The following SLC26A2 variants were observed in gnomAD, a reference collection of about 807,000 sequenced individuals.
The protein encoded by SLC26A2 is sulfate transporter.
SLC26A2 carries 36 observed loss-of-function variants against 41.1 expected under a neutral mutation model. The observed-to-expected ratio is 0.88, with a 90% CI of 0.67 to 1.16. The LOEUF (loss-of-function observed/expected upper bound fraction) is 1.16. Ranked by LOEUF, SLC26A2 falls within the 50% of genes most tolerant of loss-of-function variation. The pLI is 0.00. For synonymous variants in SLC26A2, 291 were observed against 311.6 expected (o/e 0.93, Z 0.70); for missense variants, 796 against 869.6 (o/e 0.92, Z 1.07).
chr5:149,980,636 A>G lies in SLC26A2; in HGVS notation c.1043A>G (p.His348Arg). 6.2e-7 allele frequency: 1 copy of G among 1,614,020 alleles called. No homozygotes were observed. The highest frequency in any genetic ancestry group is 1.7e-5 in the Admixed American group (1 of 60,012). The change falls in exon 3 of 3, where the codon CAT (histidine) becomes CGT (arginine). Residue 348 changes from histidine to arginine, a missense_variant. By Grantham distance (29) the His-to-Arg change is conservative. Coordinates refer to ENST00000286298, the MANE Select transcript of SLC26A2 (RefSeq NM_000112.4). ...VVVVAATLAS[H>R]FGKLHENYNS... ...GTTGTAGCAGCCACATTAGCCTCTCATTTTGGAAAACTACATGAAAATTAT... is the reference window on the plus strand; with the variant it reads ...GTTGTAGCAGCCACATTAGCCTCTCGTTTTGGAAAACTACATGAAAATTAT...
intron 1 of SLC26A2, among the ~76,000 whole-genome samples, chr5:149,967,169 AAAAG>A: frequency 6.6e-6 from 1 of 152,210 alleles, no homozygotes; most frequent in East Asian, 1.9e-4. Flanking sequence ...TCTCTTAAAG[AAAAG>A]AAAAAGAAAA....
intron 2 of SLC26A2, among the ~76,000 whole-genome samples, chr5:149,979,715 T>C (rs1468498174): frequency 7.3e-6 from 1 of 136,250 alleles, no homozygotes; most frequent in Non-Finnish European, 1.6e-5. Flanking sequence ...TTTCTTAGTA[T>C]GAGGTTAAAG....
chr5:149,968,382 A>G (rs1754842024), intron 1 of SLC26A2, among the ~76,000 whole-genome samples: 2 of 152,184 alleles, frequency 1.3e-5, no homozygotes, highest in Admixed American at 1.3e-4. Flanking sequence ...CCAGCAATGT[A>G]TCAAATGTAT....
rs779516281 is a variant in SLC26A2 at position 149,978,080 on chromosome 5, C to A, written c.428C>A (p.Thr143Lys). ...CAAGAACCTGTCTATGGTCTGTACA[C>A]ATCTTTTTTTGCCAGCATCATTTAT... Reference protein sequence around the residue: ...AGQEPVYGLYTSFFASIIYFL... With the variant: ...AGQEPVYGLYKSFFASIIYFL... Residue 143 changes from threonine (T) to lysine (K), a missense_variant, in exon 2 of 3, where the codon ACA becomes AAA. Transcript: ENST00000286298. 6.2e-7 allele frequency: 1 copy of A among 1,604,870 alleles called. No homozygotes were observed. Among genetic ancestry groups the A allele is most frequent in the African/African-American group, 1.3e-5 (1 of 74,532 alleles).
chr5:149,974,722 CTTTT>C (rs11440508), intron 1 of SLC26A2, among the ~76,000 whole-genome samples: 1 of 100,892 alleles, frequency 9.9e-6, no homozygotes, highest in Non-Finnish European at 1.9e-5. Context: ...TGCACCCGGC[CTTTT>C]TTTTTTTTTT....
intron 1 of SLC26A2, among the ~76,000 whole-genome samples, chr5:149,966,115 G>A (rs577515592): frequency 1.5e-4 from 23 of 152,322 alleles, no homozygotes; most frequent in Non-Finnish European, 2.9e-4. Flanking sequence ...ATGTGGGCCA[G>A]GCTGGTCTTG....
In SLC26A2 at chr5:149,983,979, T is replaced by C. The variant is rs962345400; in HGVS notation, c.*2166T>C. ...CTGTGACAGAGTAATGAGTACATGC[T>C]TAAGATGTTATAATTAGCCAACACC... On this transcript the variant is annotated 3_prime_UTR_variant, in exon 3 of 3. Transcript: ENST00000286298. 1 of 152,226 alleles carries C rather than the reference T, an allele frequency of 6.6e-6. No homozygotes were observed. The highest frequency in any genetic ancestry group is 2.4e-5 in the African/African-American group (1 of 41,442). The allele number at this position is 152,226 out of a possible 1,614,324, so 9.4% of individuals were successfully genotyped here.
intron 1 of SLC26A2, among the ~76,000 whole-genome samples, chr5:149,975,861 A>G (rs1754983064): frequency 6.6e-6 from 1 of 152,240 alleles, no homozygotes; most frequent in South Asian, 2.1e-4. Context: ...TCCTTCATCT[A>G]AAATATATTG....
chr5:149,978,853 AATTTT>A (rs567761507), intron 2 of SLC26A2, among the ~76,000 whole-genome samples: 1 of 151,794 alleles, frequency 6.6e-6, no homozygotes. Context: ...ACACCTGGCT[AATTTT>A]ATTTTATTTT....
chr5:149,965,258 G>A (rs1418002074), intron 1 of SLC26A2, among the ~76,000 whole-genome samples: 2 of 152,084 alleles, frequency 1.3e-5, no homozygotes, highest in South Asian at 2.1e-4. Flanking sequence ...CGAGGCAGGC[G>A]GATCACAAGG....
chr5:149,965,633 C>A (rs1471202958), intron 1 of SLC26A2, among the ~76,000 whole-genome samples: 2 of 150,680 alleles, frequency 1.3e-5, no homozygotes, highest in Non-Finnish European at 1.5e-5. Flanking sequence ...GAGATTTTTC[C>A]ATATAAGAGA....
At chr5:149,978,995 G>A in intron 2 of SLC26A2, among the ~76,000 whole-genome samples, 1 of 151,992 alleles carries the variant, frequency 6.6e-6, no homozygotes, top group African/African-American at 2.4e-5. Flanking sequence ...TGGGATTATA[G>A]CCATGAGCCA....
intron 2 of SLC26A2, 137 bp from the exon 3 acceptor site, chr5:149,980,156 A>G (rs1755065457): frequency 4.0e-6 from 3 of 748,904 alleles, no homozygotes; most frequent in Admixed American, 2.1e-5. Context: ...GAAGATTGAT[A>G]TATGATTGTG....
rs886060220 is a variant in SLC26A2 at position 149,960,782 on chromosome 5, A to T, written c.-223A>T. 6.6e-6 allele frequency: 1 copy of T among 152,274 alleles called. No homozygotes were observed. The highest frequency in any genetic ancestry group is 1.5e-5 in the Non-Finnish European group (1 of 68,078). 9.4% of individuals were successfully genotyped at this position (152,274 alleles called of 1,614,324 possible). ...CGTTTACACTGGCTCTGCCTCCGGCATCTCTTCGCCGGTGCGTCCTCGCCG... is the reference window on the plus strand; with the variant it reads ...CGTTTACACTGGCTCTGCCTCCGGCTTCTCTTCGCCGGTGCGTCCTCGCCG... On this transcript the variant is annotated 5_prime_UTR_variant, in exon 1 of 3. Coordinates refer to ENST00000286298, the MANE Select transcript of SLC26A2 (RefSeq NM_000112.4).
At position 149,985,390 on chromosome 5, in the gene SLC26A2, A is replaced by T. The variant is rs2113702740; in HGVS notation, c.*3577A>T. 6.6e-6 allele frequency: 1 copy of T among 152,350 alleles called. No individual in the cohort carries two copies. Among genetic ancestry groups the T allele is most frequent in the African/African-American group, 2.4e-5 (1 of 41,586 alleles). 9.4% of individuals were successfully genotyped at this position (152,350 alleles called of 1,614,324 possible). A position where few individuals can be genotyped will look rare whatever the true frequency, so the allele number is the denominator to read the frequency against. On this transcript the variant is annotated 3_prime_UTR_variant, in exon 3 of 3. Coordinates refer to ENST00000286298, the MANE Select transcript of SLC26A2 (RefSeq NM_000112.4). ...TTTTGAACAACAGACATTGCAAGTCAAAATTGTTGTCAAATTTACATATGG... is the reference window on the plus strand; with the variant it reads ...TTTTGAACAACAGACATTGCAAGTCTAAATTGTTGTCAAATTTACATATGG...
chr5:149,978,404 A>G, intron 2 of SLC26A2, 53 bp downstream of exon 2: 1 of 1,267,222 alleles, frequency 7.9e-7, no homozygotes, highest in Admixed American at 1.7e-5. Context: ...CTAGTACATG[A>G]AATCTCATAT....
Position 149,986,413 on chromosome 5 carries a change from C to T in SLC26A2, c.*4600C>T, listed in dbSNP as rs973808542. On this transcript the variant is annotated 3_prime_UTR_variant, in exon 3 of 3. Coordinates refer to ENST00000286298, the MANE Select transcript of SLC26A2 (RefSeq NM_000112.4). ...TTATTATAGTCCGTGTATTAAAATA[C>T]TATTGAAATACGTTAAAGGTAAATT... 1.2e-4 allele frequency: 18 copies of T among 151,662 alleles called. No homozygotes were observed. The highest frequency in any genetic ancestry group is 6.8e-3 in the Middle Eastern group (2 of 292). 9.4% of individuals were successfully genotyped at this position (151,662 alleles called of 1,614,324 possible). A position where few individuals can be genotyped will look rare whatever the true frequency, so the allele number is the denominator to read the frequency against.
chr5:149,978,144 T>A lies in SLC26A2; in HGVS notation c.492T>A (p.Ile164=). The change falls in exon 2 of 3, where the codon ATT becomes ATA. Residue 164 remains isoleucine (I), a synonymous_variant. Coordinates refer to ENST00000286298, the MANE Select transcript of SLC26A2 (RefSeq NM_000112.4). ...LGTSRHISVG[I]FGVLCLMIGE... ...CCTCCCGTCACATCTCTGTGGGCAT[T>A]TTTGGAGTACTGTGCCTTATGATTG... is the stretch of plus-strand genomic sequence containing the variant. The A allele has an allele frequency of 6.2e-7, 1 of 1,606,850 alleles. No homozygotes were observed. Among genetic ancestry groups the A allele is most frequent in the Non-Finnish European group, 8.5e-7 (1 of 1,175,594 alleles).
At chr5:149,976,379 A>G (rs1481058776) in intron 1 of SLC26A2, among the ~76,000 whole-genome samples, 3 of 152,138 alleles carry the variant, frequency 2.0e-5, no homozygotes, top group Admixed American at 6.5e-5. Flanking sequence ...GCAACATGCT[A>G]TGGGACACAG....
Sources: gnomAD v4.1 joint callset for allele counts (sites outside exome capture counted in the v4.1 genomes callset) on GRCh38, gnomAD v4.1.1 for gene constraint, MANE v1.5 for transcripts, NCBI Gene and HGNC (gene_info 2026-07-23, HGNC 2026-07-21) for gene names.